CDH8: variants seen among roughly 807,000 people sequenced by gnomAD.
CDH8 encodes cadherin-8.
In CDH8, 17 loss-of-function variants were observed where a neutral mutation model predicts 68.1. The ratio of observed to expected loss-of-function variants is 0.25; its 90% CI spans 0.17 to 0.37. The LOEUF (loss-of-function observed/expected upper bound fraction) is 0.37, where lower values mean the gene tolerates loss of function less well. CDH8 is among the 10% of genes least tolerant of loss of function. The pLI is 1.00. For missense variants in CDH8, 763 were observed against 999.3 expected (o/e 0.76, Z 3.19); for synonymous variants, 372 against 365.1 (o/e 1.02, Z -0.21).
chr16:61,841,221 C>T (rs1479074145), intron 4 of CDH8, among the ~76,000 whole-genome samples: 2 of 152,114 alleles, frequency 1.3e-5, no homozygotes, highest in Non-Finnish European at 2.9e-5. Flanking sequence ...TGGGTATATA[C>T]CCAGCAGTAG....
intron 8 of CDH8, among the ~76,000 whole-genome samples, chr16:61,754,194 T>C (rs1039294445): frequency 6.6e-6 from 1 of 152,164 alleles, no homozygotes; most frequent in African/African-American, 2.4e-5. Context: ...ATAATGTAGA[T>C]ACAAGACATG....
At chr16:61,737,564 C>A (rs2142916644) in intron 8 of CDH8, among the ~76,000 whole-genome samples, 2 of 152,036 alleles carry the variant, frequency 1.3e-5, no homozygotes, top group South Asian at 4.2e-4. Context: ...AAAGACGAAA[C>A]TTTTTGAGAC....
chr16:61,992,136 G>A (rs1309780570), intron 2 of CDH8, among the ~76,000 whole-genome samples: 1 of 150,912 alleles, frequency 6.6e-6, no homozygotes, highest in African/African-American at 2.4e-5. Context: ...TCTTTTTTGG[G>A]CTCTGCACTA....
intron 2 of CDH8, among the ~76,000 whole-genome samples, chr16:61,949,919 T>C (rs1964863029): frequency 6.6e-6 from 1 of 151,598 alleles, no homozygotes. Flanking sequence ...ACATGGGTGG[T>C]TGAGGCTGCA....
chr16:61,872,326 TGG>T (rs901842831), intron 3 of CDH8, among the ~76,000 whole-genome samples: 73 of 152,310 alleles, frequency 4.8e-4, no homozygotes, highest in African/African-American at 1.7e-3. Flanking sequence ...CCAAGGTGGT[TGG>T]GATACAGATT....
chr16:61,809,184 C>T (rs1483362133), intron 7 of CDH8, among the ~76,000 whole-genome samples: 5 of 148,996 alleles, frequency 3.4e-5, no homozygotes, highest in African/African-American at 1.2e-4. Flanking sequence ...AAAACTCCAT[C>T]TCAAAAAAAA....
intron 8 of CDH8, among the ~76,000 whole-genome samples, chr16:61,729,106 G>A (rs950650662): frequency 6.6e-6 from 1 of 151,040 alleles, no homozygotes; most frequent in South Asian, 2.1e-4. Flanking sequence ...AAAAATCTAT[G>A]AAGTAGCTAA....
intron 8 of CDH8, among the ~76,000 whole-genome samples, chr16:61,761,541 C>G (rs79576371): frequency 3.9e-5 from 6 of 152,084 alleles, no homozygotes; most frequent in Non-Finnish European, 8.8e-5. Flanking sequence ...AGAGTATAAA[C>G]CCTGTCTGAA....
chr16:61,863,091 A>G (rs1464700623), intron 3 of CDH8, among the ~76,000 whole-genome samples: 1 of 152,206 alleles, frequency 6.6e-6, no homozygotes, highest in Non-Finnish European at 1.5e-5. Context: ...GATCCCTGTC[A>G]CCACAATTCA....
intron 10 of CDH8, among the ~76,000 whole-genome samples, chr16:61,662,477 C>G (rs1963587984): frequency 6.6e-6 from 1 of 151,470 alleles, no homozygotes; most frequent in African/African-American, 2.4e-5. Context: ...TAGTTACATA[C>G]TACATTATTT....
chr16:62,008,336 T>C (rs1208930703), intron 2 of CDH8, among the ~76,000 whole-genome samples: 2 of 152,224 alleles, frequency 1.3e-5, no homozygotes, highest in Non-Finnish European at 2.9e-5. Context: ...CTGTGGTTTG[T>C]GTCCTTTGAC....
chr16:61,902,861 C>T (rs1964001284), intron 2 of CDH8, among the ~76,000 whole-genome samples: 1 of 151,992 alleles, frequency 6.6e-6, no homozygotes, highest in Non-Finnish European at 1.5e-5. Flanking sequence ...AAATGTATCC[C>T]TTTCATTTAT....
chr16:61,857,077 G>T (rs1396820302), intron 4 of CDH8, 42 bp downstream of exon 4: 6 of 1,609,726 alleles, frequency 3.7e-6, no homozygotes, highest in Non-Finnish European at 5.1e-6. Flanking sequence ...TTTCCCTGAA[G>T]CAAAAACATG....
intron 2 of CDH8, among the ~76,000 whole-genome samples, chr16:62,005,237 G>A (rs1399582701): frequency 6.6e-6 from 1 of 152,216 alleles, no homozygotes; most frequent in African/African-American, 2.4e-5. Context: ...GCCTAGCGAA[G>A]TATTCCTATA....
rs763152698 is a variant in CDH8 at position 61,649,345 on chromosome 16, C to T, written c.*4263G>A. 5 of 151,434 alleles carry T rather than the reference C, an allele frequency of 3.3e-5. No homozygotes were observed. The highest frequency in any genetic ancestry group is 6.6e-5 in the Admixed American group (1 of 15,148). 9.4% of individuals were successfully genotyped at this position (151,434 alleles called of 1,614,324 possible). A position where few individuals can be genotyped will look rare whatever the true frequency, so the allele number is the denominator to read the frequency against. Reference sequence around the variant, plus strand: ...CCACAATTTCAATTTGTTGGCAGTGCGTGAGATTATGAGATGAAAAATTAA... The same window carrying T: ...CCACAATTTCAATTTGTTGGCAGTGTGTGAGATTATGAGATGAAAAATTAA... On this transcript the variant is annotated 3_prime_UTR_variant, in exon 12 of 12. Coordinates refer to ENST00000577390, the MANE Select transcript of CDH8 (RefSeq NM_001796.5).
chr16:61,814,561 T>C (rs1962031090), intron 7 of CDH8, among the ~76,000 whole-genome samples: 1 of 152,252 alleles, frequency 6.6e-6, no homozygotes, highest in South Asian at 2.1e-4. Flanking sequence ...TGTTTTAGCA[T>C]GGCAGATGCT....
intron 8 of CDH8, among the ~76,000 whole-genome samples, chr16:61,754,074 T>C (rs1435014673): frequency 6.6e-6 from 1 of 152,178 alleles, no homozygotes; most frequent in Non-Finnish European, 1.5e-5. Context: ...ACTGTCTGAA[T>C]GTGAAATCCC....
intron 2 of CDH8, among the ~76,000 whole-genome samples, chr16:61,959,727 C>G (rs912964505): frequency 7.7e-6 from 1 of 129,180 alleles, no homozygotes; most frequent in African/African-American, 3.1e-5. Flanking sequence ...CATATATATA[C>G]ACACACATAT....
intron 8 of CDH8, among the ~76,000 whole-genome samples, chr16:61,779,084 T>C (rs1233141387): frequency 2.0e-5 from 3 of 152,172 alleles, no homozygotes; most frequent in African/African-American, 7.2e-5. Flanking sequence ...ATATGCTTCC[T>C]GCTTTGAAAT....
Sources: allele counts gnomAD v4.1 joint callset (sites outside exome capture counted in the v4.1 genomes callset), GRCh38; gene constraint gnomAD v4.1.1; transcripts MANE v1.5; gene names NCBI Gene and HGNC (gene_info 2026-07-23, HGNC 2026-07-21).